Variants in NTN1 observed in about 807,000 individuals in gnomAD.
NTN1 encodes the protein netrin 1, also known as netrin-1.
Under a neutral mutation model 54.2 loss-of-function variants are expected in NTN1, and 11 were observed. The observed-to-expected ratio is 0.20, with a 90% CI of 0.13 to 0.34. The LOEUF (loss-of-function observed/expected upper bound fraction) is 0.34. NTN1 is among the 10% of genes least tolerant of loss of function. The pLI is 1.00. For missense variants in NTN1, 740 were observed against 893.1 expected (o/e 0.83, Z 2.18); for synonymous variants, 371 against 382.0 (o/e 0.97, Z 0.33).
At chr17:9,089,797 G>A (rs869055) in intron 2 of NTN1, among the ~76,000 whole-genome samples, 102,246 of 152,052 alleles carry the variant, frequency 0.67, 34,974 homozygotes, top group East Asian at 0.95. Context: ...TCTTTTTCCA[G>A]TTGGGGGTTT....
intron 2 of NTN1, among the ~76,000 whole-genome samples, chr17:9,042,469 A>G (rs1197542073): frequency 2.0e-5 from 3 of 148,174 alleles, no homozygotes. Flanking sequence ...ACTCCACAAC[A>G]TAGTGAGACT....
chr17:9,172,024 G>A (rs1403617207), intron 3 of NTN1, among the ~76,000 whole-genome samples: 1 of 151,916 alleles, frequency 6.6e-6, no homozygotes, highest in African/African-American at 2.4e-5. Context: ...GAGTAGCTGG[G>A]ATTACAGGCA....
chr17:9,028,375 C>T (rs1222232098), intron 2 of NTN1, among the ~76,000 whole-genome samples: 8 of 152,108 alleles, frequency 5.3e-5, no homozygotes. Context: ...CTGGGGTCCT[C>T]ATTAGCACCT....
rs57071234 is a variant in NTN1 at position 9,186,940 on chromosome 17, AG to A, written c.1411+3974del. Among the ~76,000 whole-genome samples the A allele has an allele frequency of 5.9e-3, 900 of 152,202 alleles. 7 individuals carry two copies. The highest frequency in any genetic ancestry group is 0.021 in the African/African-American group (854 of 41,522). On this transcript the variant is annotated intron_variant, in intron 5 of 6. Transcript: ENST00000173229. Reference sequence around the variant, plus strand: ...GCGAGGGGTTGTGGGGAGGGAGAAGAGGGAGAAAAGGGCACTAAAATGGGCA... The same window carrying A: ...GCGAGGGGTTGTGGGGAGGGAGAAGAGGAGAAAAGGGCACTAAAATGGGCA...
At chr17:9,208,062 T>A (rs1251844804) in intron 5 of NTN1, among the ~76,000 whole-genome samples, 1 of 152,062 alleles carries the variant, frequency 6.6e-6, no homozygotes, top group Non-Finnish European at 1.5e-5. Context: ...TGAAACCCCA[T>A]CTCTACCAAA....
chr17:9,222,424 G>T (rs1314324098), intron 6 of NTN1, among the ~76,000 whole-genome samples: 1 of 152,234 alleles, frequency 6.6e-6, no homozygotes, highest in Non-Finnish European at 1.5e-5. Flanking sequence ...ATGCTTCTCA[G>T]GGGATCTGGG....
chr17:9,229,734 G>A (rs2142368646), intron 6 of NTN1, among the ~76,000 whole-genome samples: 1 of 152,296 alleles, frequency 6.6e-6, no homozygotes, highest in East Asian at 1.9e-4. Context: ...GGTGGTAGCG[G>A]GTGGTGGTCC....
intron 6 of NTN1, among the ~76,000 whole-genome samples, chr17:9,238,916 C>G (rs1420083197): frequency 6.6e-6 from 1 of 152,156 alleles, no homozygotes; most frequent in Non-Finnish European, 1.5e-5. Context: ...TTTCACAAGC[C>G]GGCCAGGGGA....
At position 9,130,842 on chromosome 17, in the gene NTN1, G is replaced by A. The variant is rs550393381; in HGVS notation, c.1019-31971G>A. On this transcript the variant is annotated intron_variant, in intron 2 of 6. Coordinates refer to ENST00000173229, the MANE Select transcript of NTN1 (RefSeq NM_004822.3). ...TCCCCACCTTGCAACGCCTGGTGGCGTGATGGTTGTCCTTACCTATCACAT... is the reference window on the plus strand; with the variant it reads ...TCCCCACCTTGCAACGCCTGGTGGCATGATGGTTGTCCTTACCTATCACAT... 2.0e-5 allele frequency among the ~76,000 whole-genome samples: 3 copies of A among 152,278 alleles called. 1 individual carries two copies. Among genetic ancestry groups the A allele is most frequent in the Admixed American group, 2.0e-4 (3 of 15,294 alleles).
intron 2 of NTN1, among the ~76,000 whole-genome samples, chr17:9,100,773 T>G (rs930496438): frequency 2.6e-5 from 4 of 152,190 alleles, no homozygotes; most frequent in Non-Finnish European, 5.9e-5. Context: ...TTTATAGAGT[T>G]TTTTTGTTGT....
intron 3 of NTN1, among the ~76,000 whole-genome samples, chr17:9,164,688 C>T (rs911905847): frequency 6.6e-6 from 1 of 152,180 alleles, no homozygotes; most frequent in African/African-American, 2.4e-5. Context: ...AGTAGAATGG[C>T]TCCCTCGGTC....
At chr17:9,229,712 G>GGC (rs1905740683) in intron 6 of NTN1, among the ~76,000 whole-genome samples, 1 of 152,164 alleles carries the variant, frequency 6.6e-6, no homozygotes, top group Non-Finnish European at 1.5e-5. Context: ...TGGGCATAGT[G>GGC]GCAGGGATGT....
intron 3 of NTN1, chr17:9,177,622 G>A (rs896980139): frequency 6.6e-6 from 1 of 152,256 alleles, no homozygotes; most frequent in Non-Finnish European, 1.5e-5. Context: ...TGCATCAGGG[G>A]CTTCGAAGAC....
chr17:9,036,017 ATC>A (rs147006582), intron 2 of NTN1, among the ~76,000 whole-genome samples: 24,405 of 152,052 alleles, frequency 0.16, 2,142 homozygotes, highest in Admixed American at 0.26. Context: ...GCAAGGCTCT[ATC>A]TCAAAAAAGA....
intron 2 of NTN1, among the ~76,000 whole-genome samples, chr17:9,147,491 G>C (rs1029425588): frequency 6.6e-6 from 1 of 152,186 alleles, no homozygotes; most frequent in Non-Finnish European, 1.5e-5. Flanking sequence ...TCCAGCCTGG[G>C]CGACAGAGAG....
chr17:9,132,473 A>G (rs2092268828), intron 2 of NTN1, among the ~76,000 whole-genome samples: 1 of 152,266 alleles, frequency 6.6e-6, no homozygotes. Flanking sequence ...TAGAATATGA[A>G]CTTTTCACGT....
chr17:9,036,098 G>A (rs1311537767), intron 2 of NTN1, among the ~76,000 whole-genome samples: 7 of 152,122 alleles, frequency 4.6e-5, no homozygotes, highest in Non-Finnish European at 8.8e-5. Flanking sequence ...TGGGCTCAAG[G>A]GATCCTTCCT....
intron 2 of NTN1, among the ~76,000 whole-genome samples, chr17:9,078,049 CATCCATCT>C (rs1210150851): frequency 6.6e-6 from 1 of 151,214 alleles, no homozygotes; most frequent in Non-Finnish European, 1.5e-5. Flanking sequence ...TTTGCCTGCC[CATCCATCT>C]ATCCATCCAT....
intron 5 of NTN1, among the ~76,000 whole-genome samples, chr17:9,210,442 A>C (rs1434642620): frequency 1.4e-5 from 1 of 73,462 alleles, no homozygotes; most frequent in Admixed American, 1.2e-4. Context: ...ACACCCCCAC[A>C]CCCACACACA....
Sources: gnomAD v4.1 joint callset for allele counts (sites outside exome capture counted in the v4.1 genomes callset) on GRCh38, gnomAD v4.1.1 for gene constraint, MANE v1.5 for transcripts, NCBI Gene and HGNC (gene_info 2026-07-23, HGNC 2026-07-21) for gene names.